The following ZFYVE9 variants were observed in gnomAD, a reference collection of about 807,000 sequenced individuals.
The protein encoded by ZFYVE9 is zinc finger FYVE domain-containing protein 9.
Under a neutral mutation model 126.7 loss-of-function variants are expected in ZFYVE9, and 43 were observed. The observed-to-expected ratio is 0.34, with a 90% confidence interval of 0.27 to 0.44. The LOEUF is 0.44. Ranked by LOEUF, ZFYVE9 falls within the 20% of genes least tolerant of loss-of-function variation. ZFYVE9 has a pLI of 1.00. For missense variants in ZFYVE9, 1,476 were observed against 1,697.0 expected (o/e 0.87, Z 2.29); for synonymous variants, 521 against 597.4 (o/e 0.87, Z 1.87).
chr1:52,314,555 C>A (rs112992114), intron 13 of ZFYVE9, among the ~76,000 whole-genome samples: 2 of 152,110 alleles, frequency 1.3e-5, no homozygotes, highest in Non-Finnish European at 2.9e-5. Flanking sequence ...CTGTGGCTCA[C>A]GCCTGTAATC....
At chr1:52,268,733 T>A in intron 7 of ZFYVE9, 101 bp downstream of exon 7, 1 of 1,395,118 alleles carries the variant, frequency 7.2e-7, no homozygotes, top group East Asian at 2.5e-5. Flanking sequence ...AGGTTTTGGA[T>A]ACAACTTAGT....
chr1:52,312,316 A>G (rs1646146085), intron 13 of ZFYVE9, among the ~76,000 whole-genome samples: 1 of 152,248 alleles, frequency 6.6e-6, no homozygotes, highest in African/African-American at 2.4e-5. Flanking sequence ...ATAAAGGAAT[A>G]GCACAGCATC....
At chr1:52,207,827 T>C (rs1281298068) in intron 1 of ZFYVE9, among the ~76,000 whole-genome samples, 2 of 152,238 alleles carry the variant, frequency 1.3e-5, no homozygotes, top group East Asian at 1.9e-4. Flanking sequence ...TCTAATTCTT[T>C]CACACAAATT....
At chr1:52,179,989 C>T (rs976150112) in intron 1 of ZFYVE9, 4 of 913,078 alleles carry the variant, frequency 4.4e-6, no homozygotes, top group Non-Finnish European at 7.3e-6. Flanking sequence ...GAAGATATGA[C>T]TTTGGAAGAG....
chr1:52,345,866 T>A, intron 18 of ZFYVE9, 194 bp from the exon 19 acceptor site: 1 of 478,766 alleles, frequency 2.1e-6, no homozygotes, highest in Non-Finnish European at 3.5e-6. Flanking sequence ...TGCCTCATGG[T>A]TGTCAAGTGG....
chr1:52,270,483 C>T (rs1645680236), intron 7 of ZFYVE9, among the ~76,000 whole-genome samples: 1 of 152,136 alleles, frequency 6.6e-6, no homozygotes, highest in Non-Finnish European at 1.5e-5. Flanking sequence ...CCAGGATGGT[C>T]TCGATCTCCT....
At chr1:52,181,310 C>G (rs1572079943) in intron 1 of ZFYVE9, among the ~76,000 whole-genome samples, 1 of 152,232 alleles carries the variant, frequency 6.6e-6, no homozygotes, top group African/African-American at 2.4e-5. Flanking sequence ...GTCTCCAGCT[C>G]CTAACTGCGA....
At chr1:52,219,121 G>A (rs946627309) in intron 2 of ZFYVE9, among the ~76,000 whole-genome samples, 7 of 151,960 alleles carry the variant, frequency 4.6e-5, no homozygotes, top group Non-Finnish European at 7.4e-5. Context: ...GCTTGTGGTC[G>A]TTGATTGCAA....
At chr1:52,261,324 A>G (rs1487923735) in intron 4 of ZFYVE9, among the ~76,000 whole-genome samples, 1 of 151,214 alleles carries the variant, frequency 6.6e-6, no homozygotes, top group African/African-American at 2.4e-5. Context: ...TGTGTCTTCA[A>G]ACTCCTGGCT....
chr1:52,297,242 CTTTTTTTTTT>C (rs767708782), intron 12 of ZFYVE9, among the ~76,000 whole-genome samples: 1 of 134,094 alleles, frequency 7.5e-6, no homozygotes, highest in Middle Eastern at 4.0e-3. Flanking sequence ...AAAAACATTT[CTTTTTTTTTT>C]TTTTTTTGGA....
intron 8 of ZFYVE9, among the ~76,000 whole-genome samples, chr1:52,275,353 A>G (rs775983452): frequency 2.6e-5 from 4 of 152,198 alleles, no homozygotes; most frequent in Admixed American, 1.3e-4. Flanking sequence ...TGAACATTCA[A>G]GTACATGTGT....
chr1:52,187,940 CAG>C (rs1251245117), intron 1 of ZFYVE9, among the ~76,000 whole-genome samples: 1 of 152,166 alleles, frequency 6.6e-6, no homozygotes, highest in Admixed American at 6.5e-5. Context: ...GAGCTAAAAA[CAG>C]AACTATCATT....
At chr1:52,283,731 C>T (rs1286817214) in intron 10 of ZFYVE9, among the ~76,000 whole-genome samples, 1 of 152,080 alleles carries the variant, frequency 6.6e-6, no homozygotes, top group Non-Finnish European at 1.5e-5. Flanking sequence ...GAACTGACTA[C>T]AGAGAGTCCC....
At chr1:52,288,958 A>G (rs1242883439) in intron 10 of ZFYVE9, among the ~76,000 whole-genome samples, 1 of 151,078 alleles carries the variant, frequency 6.6e-6, no homozygotes, top group Admixed American at 6.6e-5. Context: ...AAAAAGAAAT[A>G]TTAGTATTTC....
chr1:52,178,045 C>T (rs778422152), intron 1 of ZFYVE9, among the ~76,000 whole-genome samples: 17 of 150,724 alleles, frequency 1.1e-4, no homozygotes, highest in South Asian at 2.1e-4. Context: ...TTTGGGAGGC[C>T]GAGGCGGGTA....
At chr1:52,262,583 A>G (rs1645589824) in intron 4 of ZFYVE9, among the ~76,000 whole-genome samples, 1 of 152,214 alleles carries the variant, frequency 6.6e-6, no homozygotes, top group South Asian at 2.1e-4. Flanking sequence ...GTAACTAGAT[A>G]TTAATTATAC....
At chr1:52,256,038 T>C (rs1331517106) in intron 4 of ZFYVE9, among the ~76,000 whole-genome samples, 5 of 57,468 alleles carry the variant, frequency 8.7e-5, no homozygotes, top group African/African-American at 6.3e-4. Context: ...TCTGTCTTTC[T>C]TTCTTTCTCT....
intron 10 of ZFYVE9, among the ~76,000 whole-genome samples, chr1:52,292,548 T>A (rs1645932658): frequency 6.8e-6 from 1 of 147,412 alleles, no homozygotes; most frequent in Non-Finnish European, 1.5e-5. Flanking sequence ...CTTGGCTCAC[T>A]GCAACCTCCG....
chr1:52,182,646 A>G (rs934857811), intron 1 of ZFYVE9, among the ~76,000 whole-genome samples: 1 of 152,328 alleles, frequency 6.6e-6, no homozygotes, highest in East Asian at 1.9e-4. Context: ...TAGGAAAACC[A>G]GAGACCTTTG....
Sources: gnomAD v4.1 joint callset for allele counts (sites outside exome capture counted in the v4.1 genomes callset) on GRCh38, gnomAD v4.1.1 for gene constraint, MANE v1.5 for transcripts, NCBI Gene and HGNC (gene_info 2026-07-23, HGNC 2026-07-21) for gene names.